Variants in GATAD2A observed in about 807,000 individuals in gnomAD.
The protein encoded by GATAD2A is GATA zinc finger domain containing 2A.
Under a neutral mutation model 68.5 loss-of-function variants are expected in GATAD2A, and 12 were observed. The ratio of observed to expected loss-of-function variants is 0.18; its 90% CI spans 0.11 to 0.28. The LOEUF (loss-of-function observed/expected upper bound fraction) is 0.28, where lower values mean the gene tolerates loss of function less well. Ranked by LOEUF, GATAD2A falls within the 10% of genes least tolerant of loss-of-function variation. GATAD2A has a pLI of 1.00. For missense variants in GATAD2A, 755 were observed against 868.5 expected, an observed-to-expected ratio of 0.87 and a Z score of 1.64; for synonymous variants, 410 against 375.3, an observed-to-expected ratio of 1.09 and a Z score of -1.07.
intron 1 of GATAD2A, chr19:19,435,151 C>T (rs1239365318): frequency 1.9e-6 from 1 of 530,952 alleles, no homozygotes; most frequent in Admixed American, 1.9e-5. Context: ...TCTACGGTTG[C>T]CTTGGGGATT....
intron 2 of GATAD2A, among the ~76,000 whole-genome samples, chr19:19,486,939 G>C (rs2059479058): frequency 6.6e-6 from 1 of 152,202 alleles, no homozygotes; most frequent in South Asian, 2.1e-4. Context: ...TAGCTCACTG[G>C]GTGAGGGCTC....
upstream of GATAD2A, chr19:19,402,287 G>C (rs2049824933): frequency 6.6e-6 from 1 of 151,814 alleles, no homozygotes; most frequent in Admixed American, 6.6e-5. Context: ...CAAATTCTTG[G>C]CCTCAAGCAA....
chr19:19,448,355 C>T (rs2055981050), intron 1 of GATAD2A, among the ~76,000 whole-genome samples: 1 of 152,218 alleles, frequency 6.6e-6, no homozygotes, highest in South Asian at 2.1e-4. Flanking sequence ...CCAACAGCGG[C>T]GCAGGTGTGG....
rs138676145 is a variant in GATAD2A, at chr19:19,477,690, C to G, written c.269+12076C>G. 8.5e-3 allele frequency among the ~76,000 whole-genome samples: 1,294 copies of G among 152,272 alleles called. 16 individuals are homozygous for G. Among genetic ancestry groups the G allele is most frequent in the Non-Finnish European group, 0.013 (857 of 68,008 alleles). On this transcript the variant is annotated intron_variant, in intron 2 of 11. Transcript: ENST00000683918. ...ACTGGGCCTTGGGTTTGGGACCCCC[C>G]TCTGGAGAAGGGAGAGTTGATGCTC...
At chr19:19,478,184 G>A (rs766358278) in intron 2 of GATAD2A, among the ~76,000 whole-genome samples, 5 of 152,090 alleles carry the variant, frequency 3.3e-5, no homozygotes, top group Middle Eastern at 3.2e-3. Context: ...TACTACTGTC[G>A]AGGCTGCCAG....
rs761708119 is a variant in GATAD2A, at chr19:19,492,452, T to TG, written c.402+16dup. 1 of 1,613,764 alleles carries TG rather than the reference T, an allele frequency of 6.2e-7. No individual in the cohort carries two copies. Among genetic ancestry groups the TG allele is most frequent in the African/African-American group, 1.3e-5 (1 of 74,952 alleles). ...GAGGCCCTCATGGTGAGCCACGTGT[T>TG]GGCGCTGCCGCCGGAGCCCCACTGT... On this transcript the variant is annotated intron_variant, in intron 3 of 11. Transcript: ENST00000683918.
chr19:19,462,986 G>A (rs988038578), intron 1 of GATAD2A, among the ~76,000 whole-genome samples: 1 of 152,128 alleles, frequency 6.6e-6, no homozygotes, highest in African/African-American at 2.4e-5. Context: ...TGAGTCACAG[G>A]GAAGGGTGCT....
At chr19:19,456,839 C>T (rs928540343) in intron 1 of GATAD2A, among the ~76,000 whole-genome samples, 1 of 152,188 alleles carries the variant, frequency 6.6e-6, no homozygotes, top group Non-Finnish European at 1.5e-5. Context: ...GTTGATGGGG[C>T]CTTCTGATGG....
chr19:19,488,815 A>G (rs1456506021), intron 2 of GATAD2A, among the ~76,000 whole-genome samples: 1 of 152,186 alleles, frequency 6.6e-6, no homozygotes. Flanking sequence ...TTTTACATTA[A>G]GGCTTCTCAA....
intron 1 of GATAD2A, among the ~76,000 whole-genome samples, chr19:19,434,876 G>A (rs1368879023): frequency 6.6e-6 from 1 of 152,212 alleles, no homozygotes. Flanking sequence ...TTTTGGAGGT[G>A]AAGCCCTCTC....
rs1174079763 is a variant in GATAD2A at position 19,495,650 on chromosome 19, A to C, written c.625-104A>C. On this transcript the variant is annotated intron_variant, in intron 5 of 11. Coordinates refer to ENST00000683918, the MANE Select transcript of GATAD2A (RefSeq NM_001384528.1). ...TCTGCTACTTAAAAAAAAAAAAAAA[A>C]AAAAACTAGTATGTACTTTCATAAA... 1.0e-5 allele frequency: 11 copies of C among 1,068,854 alleles called. No homozygotes were observed. The East Asian group carries it at 1.5e-4, about 15-fold the overall frequency. 66.2% of individuals were successfully genotyped at this position (1,068,854 alleles called of 1,614,324 possible). A position where few individuals can be genotyped will look rare whatever the true frequency, so the allele number is the denominator to read the frequency against.
rs2060833616 is a variant in GATAD2A at position 19,505,588 on chromosome 19, A to G, written c.*114A>G. On this transcript the variant is annotated 3_prime_UTR_variant, in exon 12 of 12. Coordinates refer to ENST00000683918, the MANE Select transcript of GATAD2A (RefSeq NM_001384528.1). ...TCGGGAAGACACCGTGCCCGCCCCA[A>G]GAGCAAGCACCGGCCATGCTGCAGA... The G allele has an allele frequency of 2.1e-6, 2 of 937,374 alleles. No homozygotes were observed. The highest frequency in any genetic ancestry group is 1.8e-5 in the South Asian group (1 of 55,228). 58.1% of individuals were successfully genotyped at this position (937,374 alleles called of 1,614,324 possible).
At chr19:19,493,137 C>T (rs1231963147) in intron 4 of GATAD2A, among the ~76,000 whole-genome samples, 1 of 152,162 alleles carries the variant, frequency 6.6e-6, no homozygotes, top group African/African-American at 2.4e-5. Context: ...GACGGGGTTT[C>T]ACCACATTGG....
rs1441670706 is a variant in GATAD2A at position 19,492,700 on chromosome 19, C to T, written c.522C>T (p.Ala174=). The T allele has an allele frequency of 6.2e-7, 1 of 1,614,006 alleles. No individual in the cohort carries two copies. The highest frequency in any genetic ancestry group is 1.3e-5 in the African/African-American group (1 of 74,930). ...GGCAGAGTCAAATACAAAAGGAAGC[C>T]ACCGCCCAGAAGGTGCGTGCCTGTC... is the stretch of plus-strand genomic sequence containing the variant. ...KLRQSQIQKE[A]TAQKPTGSVG... Residue 174 remains alanine, a synonymous_variant, in exon 4 of 12, where the codon GCC becomes GCT. Transcript: ENST00000683918.
At chr19:19,456,697 G>A (rs1600176458) in intron 1 of GATAD2A, among the ~76,000 whole-genome samples, 2 of 152,164 alleles carry the variant, frequency 1.3e-5, no homozygotes, top group Admixed American at 1.3e-4. Context: ...GCTCTCATTC[G>A]TGACAGTAAA....
intron 1 of GATAD2A, among the ~76,000 whole-genome samples, chr19:19,435,355 A>G (rs1336447833): frequency 6.6e-6 from 1 of 151,878 alleles, no homozygotes; most frequent in Non-Finnish European, 1.5e-5. Context: ...TCCCAAGTAG[A>G]TGGGACCACA....
intron 1 of GATAD2A, among the ~76,000 whole-genome samples, chr19:19,460,189 G>A (rs560989468): frequency 6.6e-6 from 1 of 152,350 alleles, no homozygotes; most frequent in South Asian, 2.1e-4. Context: ...GCCACTGAAG[G>A]GGGTACAGAT....
intron 5 of GATAD2A, among the ~76,000 whole-genome samples, chr19:19,494,999 C>T (rs1451175969): frequency 6.6e-6 from 1 of 152,206 alleles, no homozygotes; most frequent in Non-Finnish European, 1.5e-5. Context: ...ATACGTTTGC[C>T]TTGTTAGTTT....
chr19:19,494,316 C>G lies in GATAD2A; in HGVS notation c.557C>G (p.Thr186Ser). ...AQKPTGSVGS[T>S]VTTPPPLVRG... Reference sequence around the variant, plus strand: ...CAGCCCACAGGTTCTGTTGGGAGCACCGTGACCACCCCTCCCCCGCTTGTT... The same window carrying G: ...CAGCCCACAGGTTCTGTTGGGAGCAGCGTGACCACCCCTCCCCCGCTTGTT... The change falls in exon 5 of 12, where the codon ACC (threonine) becomes AGC (serine). Residue 186 changes from threonine to serine, a missense_variant. Transcript: ENST00000683918. 6.2e-7 allele frequency: 1 copy of G among 1,612,154 alleles called. No homozygotes were observed. Among genetic ancestry groups the G allele is most frequent in the Non-Finnish European group, 8.5e-7 (1 of 1,178,384 alleles).
Sources: allele counts gnomAD v4.1 joint callset (sites outside exome capture counted in the v4.1 genomes callset), GRCh38; gene constraint gnomAD v4.1.1; transcripts MANE v1.5; gene names NCBI Gene and HGNC (gene_info 2026-07-23, HGNC 2026-07-21).